The following PLD5 variants were observed in gnomAD, a reference collection of about 807,000 sequenced individuals.
PLD5 encodes the protein inactive phospholipase D5.
Under a neutral mutation model 61.1 loss-of-function variants are expected in PLD5, and 36 were observed. The ratio of observed to expected loss-of-function variants is 0.59; its 90% CI spans 0.45 to 0.78. The LOEUF (loss-of-function observed/expected upper bound fraction) is 0.78, where lower values mean the gene tolerates loss of function less well. PLD5 is among the 30% of genes least tolerant of loss of function. PLD5 has a pLI of 0.00. For synonymous variants in PLD5, 243 were observed against 242.8 expected (o/e 1.00, Z -0.01); for missense variants, 515 against 644.4 (o/e 0.80, Z 2.17).
intron 5 of PLD5, among the ~76,000 whole-genome samples, chr1:242,168,866 T>TTTTTTTTTTTTTTTTTTTA (rs869214408): frequency 1.5e-5 from 2 of 135,260 alleles, no homozygotes; most frequent in Non-Finnish European, 1.6e-5. Flanking sequence ...TTTTTTTTTT[T>TTTTTTTTTTTTTTTTTTTA]ACCACCCCCC....
chr1:242,319,392 C>T (rs2149184491), intron 2 of PLD5, among the ~76,000 whole-genome samples: 1 of 150,372 alleles, frequency 6.7e-6, no homozygotes, highest in Non-Finnish European at 1.5e-5. Flanking sequence ...AATACACATC[C>T]ATAAGTGTAT....
chr1:242,494,056 TTTCCC>T (rs887125672), intron 1 of PLD5, among the ~76,000 whole-genome samples: 11 of 130,752 alleles, frequency 8.4e-5, no homozygotes, highest in African/African-American at 3.3e-4. Flanking sequence ...ATGCTTCATG[TTTCCC>T]TTCCCTCCAC....
chr1:242,245,789 A>G (rs1348408550), intron 4 of PLD5, among the ~76,000 whole-genome samples: 1 of 152,158 alleles, frequency 6.6e-6, no homozygotes, highest in Non-Finnish European at 1.5e-5. Context: ...TGAGCAAGAA[A>G]GACTGTTCTG....
chr1:242,222,551 T>C (rs528576510), intron 4 of PLD5, among the ~76,000 whole-genome samples: 2 of 152,340 alleles, frequency 1.3e-5, no homozygotes, highest in South Asian at 4.1e-4. Flanking sequence ...CGTGGGACAC[T>C]GTGTCTGAAA....
intron 5 of PLD5, chr1:242,210,846 T>C (rs1049360557): frequency 1.3e-5 from 2 of 152,264 alleles, no homozygotes; most frequent in Non-Finnish European, 2.9e-5. Flanking sequence ...TGTTTGGTGG[T>C]CTTTTCATAC....
chr1:242,163,217 C>G (rs1269889483), intron 5 of PLD5, among the ~76,000 whole-genome samples: 1 of 150,608 alleles, frequency 6.6e-6, no homozygotes, highest in Non-Finnish European at 1.5e-5. Flanking sequence ...GATCTCGGCT[C>G]ACTGCAAGCT....
intron 5 of PLD5, among the ~76,000 whole-genome samples, chr1:242,148,323 C>G (rs551256748): frequency 8.6e-6 from 1 of 116,114 alleles, no homozygotes; most frequent in East Asian, 2.1e-4. Context: ...TGGTCTATTT[C>G]TGGACTCTAT....
intron 1 of PLD5, among the ~76,000 whole-genome samples, chr1:242,420,196 G>A (rs905027487): frequency 6.6e-6 from 1 of 152,114 alleles, no homozygotes; most frequent in Non-Finnish European, 1.5e-5. Flanking sequence ...TTATGAGGTG[G>A]ATACAGCATA....
At chr1:242,527,114 C>CTTTTTTTTTTTTTTTTTTTTTTTTTTTTT (rs530334746), upstream of PLD5, among the ~76,000 whole-genome samples, 4 of 71,978 alleles carry the variant, frequency 5.6e-5, 1 homozygote, top group Non-Finnish European at 1.0e-4. Flanking sequence ...CTATCTCCTT[C>CTTTTTTTTTTTTTTTTTTTTTTTTTTTTT]TTTTTTTTTT....
At chr1:242,120,762 A>G (rs1662301094) in intron 6 of PLD5, among the ~76,000 whole-genome samples, 1 of 152,228 alleles carries the variant, frequency 6.6e-6, no homozygotes. Flanking sequence ...TAAAGGCTCC[A>G]AAAAGAAACC....
intron 2 of PLD5, among the ~76,000 whole-genome samples, chr1:242,289,971 T>C (rs2149139820): frequency 6.7e-6 from 1 of 150,206 alleles, no homozygotes; most frequent in East Asian, 2.0e-4. Flanking sequence ...CTCAGATAAA[T>C]TTGCAGTTTT....
chr1:242,367,593 T>C (rs867833119), intron 1 of PLD5, among the ~76,000 whole-genome samples: 17 of 152,182 alleles, frequency 1.1e-4, no homozygotes, highest in South Asian at 8.3e-4. Flanking sequence ...GTCTCTCCTA[T>C]GAAACCTGGA....
chr1:242,183,328 G>C (rs1178096211), intron 5 of PLD5, among the ~76,000 whole-genome samples: 1 of 152,118 alleles, frequency 6.6e-6, no homozygotes, highest in Non-Finnish European at 1.5e-5. Context: ...ATATTATCAA[G>C]TGGGCTGTCT....
At chr1:242,136,487 G>A (rs1433643342) in intron 5 of PLD5, among the ~76,000 whole-genome samples, 2 of 152,120 alleles carry the variant, frequency 1.3e-5, no homozygotes, top group Non-Finnish European at 2.9e-5. Flanking sequence ...TTCCAACGTC[G>A]TTTGAGAAAT....
intron 1 of PLD5, among the ~76,000 whole-genome samples, chr1:242,399,326 C>T (rs1306631336): frequency 6.6e-6 from 1 of 152,158 alleles, no homozygotes; most frequent in Non-Finnish European, 1.5e-5. Flanking sequence ...AACGAAATCT[C>T]ATGCATTCAA....
Position 242,089,720 on chromosome 1 carries a change from G to A in PLD5, c.*134C>T, listed in dbSNP as rs545567459. On this transcript the variant is annotated 3_prime_UTR_variant, in exon 10 of 10. Coordinates refer to ENST00000536534, the MANE Select transcript of PLD5 (RefSeq NM_001372062.1). ...AGATATTGTTAGATAGGTATTATGT[G>A]TTGTTCAGAGAATATTTTTTATAAG... is the stretch of plus-strand genomic sequence containing the variant. 4 of 1,152,946 alleles carry A rather than the reference G, an allele frequency of 3.5e-6. No homozygotes were observed. In the South Asian group the frequency reaches 4.5e-5, roughly 13 times the overall value. 71.4% of individuals were successfully genotyped at this position (1,152,946 alleles called of 1,614,324 possible).
intron 3 of PLD5, among the ~76,000 whole-genome samples, chr1:242,285,210 C>T (rs1574666367): frequency 6.6e-6 from 1 of 152,224 alleles, no homozygotes; most frequent in Non-Finnish European, 1.5e-5. Flanking sequence ...ACATCAATAA[C>T]ATCTAGCATC....
Position 242,494,528 on chromosome 1 carries a change from A to T in PLD5, c.189+29560T>A, listed in dbSNP as rs115097639. On this transcript the variant is annotated intron_variant, in intron 1 of 9. Coordinates refer to ENST00000536534, the MANE Select transcript of PLD5 (RefSeq NM_001372062.1). ...CTGACTCTCACTGTGTACCTCCTGG[A>T]GCACACATCTCCCCGCCTCTAGCCA... 4.2e-3 allele frequency among the ~76,000 whole-genome samples: 646 copies of T among 152,174 alleles called. 5 individuals carry two copies. Among genetic ancestry groups the T allele is most frequent in the African/African-American group, 0.014 (565 of 41,534 alleles).
intron 5 of PLD5, among the ~76,000 whole-genome samples, chr1:242,134,967 T>A (rs1307419541): frequency 6.6e-6 from 1 of 152,102 alleles, no homozygotes; most frequent in East Asian, 1.9e-4. Context: ...ATCCAGAAAG[T>A]TTTATGTGTC....
Sources: gnomAD v4.1 joint callset for allele counts (sites outside exome capture counted in the v4.1 genomes callset) on GRCh38, gnomAD v4.1.1 for gene constraint, MANE v1.5 for transcripts, NCBI Gene and HGNC (gene_info 2026-07-23, HGNC 2026-07-21) for gene names.